ARMH3: variants seen among roughly 807,000 people sequenced by gnomAD.
The protein encoded by ARMH3 is armadillo-like helical domain-containing protein 3.
A neutral mutation model predicts 99.1 loss-of-function variants in ARMH3; 60 were observed. The ratio of observed to expected loss-of-function variants is 0.61; its 90% CI spans 0.49 to 0.75. The LOEUF is 0.75. Among genes scored for constraint, ARMH3 ranks in the 30% least tolerant of loss-of-function variants. ARMH3 has a pLI of 0.00. For missense variants in ARMH3, 679 were observed against 843.1 expected (o/e 0.81, Z 2.41); for synonymous variants, 285 against 292.8 (o/e 0.97, Z 0.27).
At chr10:101,960,691 C>T (rs774987319) in intron 20 of ARMH3, among the ~76,000 whole-genome samples, 2 of 151,852 alleles carry the variant, frequency 1.3e-5, no homozygotes, top group Non-Finnish European at 2.9e-5. Flanking sequence ...GAGTTCGAGA[C>T]CAGCCCGGCC....
At chr10:102,007,233 A>G (rs1172737640) in intron 13 of ARMH3, among the ~76,000 whole-genome samples, 4 of 150,136 alleles carry the variant, frequency 2.7e-5, no homozygotes. Context: ...TGAGTACTTG[A>G]TTACGACTGA....
intron 22 of ARMH3, 31 bp downstream of exon 22, chr10:101,956,566 G>T: frequency 6.2e-7 from 1 of 1,609,394 alleles, no homozygotes; most frequent in South Asian, 1.1e-5. Flanking sequence ...ACAAATGGTG[G>T]AGAGAGGAGT....
intron 19 of ARMH3, among the ~76,000 whole-genome samples, chr10:101,980,449 C>A (rs986822563): frequency 6.6e-6 from 1 of 152,136 alleles, no homozygotes; most frequent in Non-Finnish European, 1.5e-5. Context: ...CAGATGCCTG[C>A]CACCATGCCT....
intron 20 of ARMH3, among the ~76,000 whole-genome samples, chr10:101,962,432 C>G (rs1845341061): frequency 6.6e-6 from 1 of 151,500 alleles, no homozygotes; most frequent in Non-Finnish European, 1.5e-5. Flanking sequence ...CTATCTGATA[C>G]CTTAAAAAAA....
intron 2 of ARMH3, among the ~76,000 whole-genome samples, chr10:102,036,264 A>AGC (rs2067266987): frequency 7.8e-6 from 1 of 127,648 alleles, no homozygotes; most frequent in Non-Finnish European, 1.7e-5. Flanking sequence ...ATGGGGGGGC[A>AGC]CATCCGCCCG....
At chr10:102,022,068 G>T (rs917494861) in intron 8 of ARMH3, among the ~76,000 whole-genome samples, 1 of 152,054 alleles carries the variant, frequency 6.6e-6, no homozygotes, top group Non-Finnish European at 1.5e-5. Context: ...ACACTATCCA[G>T]GTTTGCAGCC....
intron 20 of ARMH3, among the ~76,000 whole-genome samples, chr10:101,966,880 G>C (rs1485979519): frequency 2.6e-5 from 4 of 152,308 alleles, no homozygotes; most frequent in Non-Finnish European, 1.5e-5. Context: ...ACACAATTAA[G>C]TGGTAGCTCA....
intron 23 of ARMH3, among the ~76,000 whole-genome samples, chr10:101,910,546 A>G (rs1842820979): frequency 6.6e-6 from 1 of 151,956 alleles, no homozygotes; most frequent in Non-Finnish European, 1.5e-5. Context: ...CCTGGCCAAC[A>G]TGGCAAAACA....
At chr10:102,047,796 C>T (rs1410769512) in intron 1 of ARMH3, among the ~76,000 whole-genome samples, 1 of 152,080 alleles carries the variant, frequency 6.6e-6, no homozygotes, top group Admixed American at 6.6e-5. Context: ...CTTGGGTCTA[C>T]ATTTTTAACA....
intron 16 of ARMH3, among the ~76,000 whole-genome samples, chr10:101,993,949 T>C (rs550307750): frequency 2.6e-5 from 4 of 152,262 alleles, no homozygotes; most frequent in South Asian, 2.1e-4. Flanking sequence ...TTTGTGATAG[T>C]TTAAGGTTTT....
chr10:101,893,768 G>C (rs534845674), intron 23 of ARMH3, among the ~76,000 whole-genome samples: 21 of 152,074 alleles, frequency 1.4e-4, no homozygotes, highest in Middle Eastern at 3.4e-3. Context: ...GTGAGGGAGA[G>C]AAAGGAAAAC....
intron 23 of ARMH3, among the ~76,000 whole-genome samples, chr10:101,918,175 T>A (rs1338351208): frequency 6.6e-6 from 1 of 152,150 alleles, no homozygotes; most frequent in Non-Finnish European, 1.5e-5. Flanking sequence ...TGCTTCAGTC[T>A]CCCAAGTAGC....
rs538775291 is a variant in ARMH3, at chr10:102,028,058, A to AT, written c.414+1579_414+1580insA. Among the ~76,000 whole-genome samples the AT allele has an allele frequency of 2.4e-3, 364 of 152,052 alleles. 2 individuals carry two copies. Among genetic ancestry groups the AT allele is most frequent in the African/African-American group, 8.5e-3 (352 of 41,538 alleles). ...ATATGAAAGACTTTTCTCCAAAAAA[A>AT]AAAAATAAAGAAAAGACAGACAAAA... On this transcript the variant is annotated intron_variant, in intron 5 of 25. Coordinates refer to ENST00000370033, the MANE Select transcript of ARMH3 (RefSeq NM_024541.3).
At chr10:101,915,771 A>C (rs1843054285) in intron 23 of ARMH3, among the ~76,000 whole-genome samples, 1 of 150,724 alleles carries the variant, frequency 6.6e-6, no homozygotes, top group Non-Finnish European at 1.5e-5. Context: ...GTTCTGGGAC[A>C]GCAATATCCC....
At chr10:101,947,524 G>A (rs1193754982) in intron 22 of ARMH3, among the ~76,000 whole-genome samples, 1 of 151,912 alleles carries the variant, frequency 6.6e-6, no homozygotes, top group Non-Finnish European at 1.5e-5. Context: ...AAAAAGACCA[G>A]GCACAGTGGC....
intron 24 of ARMH3, among the ~76,000 whole-genome samples, chr10:101,864,115 G>C (rs2066942545): frequency 7.4e-6 from 1 of 135,554 alleles, no homozygotes; most frequent in South Asian, 2.4e-4. Context: ...ACAAAAACCA[G>C]ACAATTCTCA....
intron 1 of ARMH3, among the ~76,000 whole-genome samples, chr10:102,051,483 A>AAAAAG (rs1423323872): frequency 1.3e-5 from 2 of 151,892 alleles, no homozygotes; most frequent in Non-Finnish European, 2.9e-5. Context: ...GGAAAAAAAA[A>AAAAAG]AAAAAGAAAA....
chr10:102,033,442 T>C, intron 2 of ARMH3, 103 bp from the exon 3 acceptor site: 1 of 1,250,900 alleles, frequency 8.0e-7, no homozygotes, highest in South Asian at 1.5e-5. Context: ...TTTTTTGAGA[T>C]GGAATCTCGC....
intron 4 of ARMH3, among the ~76,000 whole-genome samples, chr10:102,032,573 G>C (rs2067156622): frequency 1.3e-5 from 2 of 152,050 alleles, no homozygotes; most frequent in South Asian, 2.1e-4. Flanking sequence ...GCTAATTTTT[G>C]TATTTTTAGT....
Sources: allele counts gnomAD v4.1 joint callset (sites outside exome capture counted in the v4.1 genomes callset), GRCh38; gene constraint gnomAD v4.1.1; transcripts MANE v1.5; gene names NCBI Gene and HGNC (gene_info 2026-07-23, HGNC 2026-07-21).